The following AKAP13 variants were observed in gnomAD, a reference collection of about 807,000 sequenced individuals.
AKAP13 encodes A-kinase anchoring protein 13, also known as A-kinase anchor protein 13.
In AKAP13, 80 loss-of-function variants were observed where a neutral mutation model predicts 264.5. The ratio of observed to expected loss-of-function variants is 0.30; its 90% CI spans 0.25 to 0.36. AKAP13 has a LOEUF of 0.36. Among genes scored for constraint, AKAP13 ranks in the 10% least tolerant of loss-of-function variants. AKAP13 has a pLI of 1.00. For missense variants in AKAP13, 3,712 were observed against 3,435.2 expected (o/e 1.08, Z -2.01); for synonymous variants, 1,380 against 1,250.2 (o/e 1.10, Z -2.19).
chr15:85,711,729 C>A (rs1297823142), intron 19 of AKAP13, among the ~76,000 whole-genome samples: 1 of 152,174 alleles, frequency 6.6e-6, no homozygotes, highest in Non-Finnish European at 1.5e-5. Context: ...AGGCAGTGTT[C>A]TTGAAAATGT....
chr15:85,504,631 G>A (rs2076149972), intron 2 of AKAP13, among the ~76,000 whole-genome samples: 1 of 147,278 alleles, frequency 6.8e-6, no homozygotes, highest in African/African-American at 2.5e-5. Context: ...GATCGAAGCT[G>A]CAGTGAGCCA....
At chr15:85,591,115 G>A (rs1210042228) in intron 8 of AKAP13, among the ~76,000 whole-genome samples, 1 of 152,172 alleles carries the variant, frequency 6.6e-6, no homozygotes, top group African/African-American at 2.4e-5. Flanking sequence ...CTGAAGTCCA[G>A]CACCTTTGCT....
At chr15:85,552,852 C>T (rs1446721458) in intron 5 of AKAP13, among the ~76,000 whole-genome samples, 2 of 151,856 alleles carry the variant, frequency 1.3e-5, no homozygotes, top group South Asian at 2.1e-4. Flanking sequence ...AGTTTTTATA[C>T]ATGATTTTGG....
chr15:85,546,225 A>G (rs917036151), intron 5 of AKAP13, among the ~76,000 whole-genome samples: 1 of 152,100 alleles, frequency 6.6e-6, no homozygotes, highest in Admixed American at 6.6e-5. Flanking sequence ...GATGATGGAT[A>G]TGTTACTTAG....
chr15:85,634,109 C>G (rs949325096), intron 8 of AKAP13, among the ~76,000 whole-genome samples: 1 of 152,154 alleles, frequency 6.6e-6, no homozygotes, highest in Admixed American at 6.5e-5. Flanking sequence ...TGTTTTTGCT[C>G]TCTGTAATAG....
rs192909319 is a variant in AKAP13, at chr15:85,664,270, G to A, written c.4800-293G>A. On this transcript the variant is annotated intron_variant, in intron 12 of 36. Transcript: ENST00000394518. ...CATATATAAAATATCAGATAACTATGGTCTGTCCATATAGTGTGTAGAAAA... is the reference window on the plus strand; with the variant it reads ...CATATATAAAATATCAGATAACTATAGTCTGTCCATATAGTGTGTAGAAAA... Among the ~76,000 whole-genome samples, 24 of 152,200 alleles carry A rather than the reference G, an allele frequency of 1.6e-4. No individual in the cohort carries two copies. In the East Asian group the frequency reaches 4.6e-3, roughly 29 times the overall value.
chr15:85,493,386 T>C lies in AKAP13; in HGVS notation c.33+7633T>C, dbSNP rs1050240782. Among the ~76,000 whole-genome samples, 6 of 152,318 alleles carry C rather than the reference T, an allele frequency of 3.9e-5. No individual in the cohort carries two copies. The South Asian group carries it at 1.0e-3, about 26-fold the overall frequency. ...CCCAGGTTTCATTCATTAATCTGCC[T>C]AGCATAGGCCCTGAGTAGCTAGTGA... is the stretch of plus-strand genomic sequence containing the variant. On this transcript the variant is annotated intron_variant, in intron 2 of 36. Coordinates refer to ENST00000394518, the MANE Select transcript of AKAP13 (RefSeq NM_007200.5).
rs939363727 is a variant in AKAP13 at position 85,575,219 on chromosome 15, G to T, written c.751G>T (p.Asp251Tyr). The T allele has an allele frequency of 6.2e-7, 1 of 1,614,070 alleles. No homozygotes were observed. Among genetic ancestry groups the T allele is most frequent in the Non-Finnish European group, 8.5e-7 (1 of 1,179,994 alleles). The change falls in exon 6 of 37, where the codon GAC (aspartate) becomes TAC (tyrosine). Residue 251 changes from aspartate to tyrosine, a missense_variant. Transcript: ENST00000394518. Reference sequence around the variant, plus strand: ...TTCTGTGAGGCATCATCGAGAGTTGGACATCTATACATTAACCTCTGAGTC... The same window carrying T: ...TTCTGTGAGGCATCATCGAGAGTTGTACATCTATACATTAACCTCTGAGTC... ...DCSVRHHRELDIYTLTSESDS... is the reference protein window; with the variant it reads ...DCSVRHHRELYIYTLTSESDS...
chr15:85,500,506 A>G (rs4340287), intron 2 of AKAP13, among the ~76,000 whole-genome samples: 74,705 of 152,064 alleles, frequency 0.49, 19,112 homozygotes, highest in Middle Eastern at 0.61. Context: ...CACTGAATCT[A>G]TAATTCAGAA....
Position 85,718,265 on chromosome 15 carries a change from C to T in AKAP13, c.6001+106C>T. Reference sequence around the variant, plus strand: ...AAATCAGTTTTTTAGTATGTGGCTTCTTGAAAAGATTTCCTTTAAAAACTT... The same window carrying T: ...AAATCAGTTTTTTAGTATGTGGCTTTTTGAAAAGATTTCCTTTAAAAACTT... On this transcript the variant is annotated intron_variant, in intron 22 of 36. Transcript: ENST00000394518. This position sits in a 1 kb window ranked among gnomAD's most constrained non-coding sequence, Gnocchi z 4.9. The T allele has an allele frequency of 2.2e-6, 3 of 1,351,482 alleles. No homozygotes were observed. The highest frequency in any genetic ancestry group is 3.0e-6 in the Non-Finnish European group (3 of 984,848). The allele number at this position is 1,351,482 out of a possible 1,614,324, so 83.7% of individuals were successfully genotyped here.
rs769750946 is a variant in AKAP13, at chr15:85,741,238, C to T, written c.7801C>T (p.Arg2601Cys). 1.2e-5 allele frequency: 20 copies of T among 1,608,962 alleles called. No homozygotes were observed. The highest frequency in any genetic ancestry group is 9.0e-5 in the East Asian group (4 of 44,642). ...CCAGTACCTCGAGGAGAAGCGCAGGCGCGAGCGTGAGTGGGAAGCTCGTGA... is the reference window on the plus strand; with the variant it reads ...CCAGTACCTCGAGGAGAAGCGCAGGTGCGAGCGTGAGTGGGAAGCTCGTGA... The part of the protein sequence containing the change: ...QAQYLEEKRR[R>C]EREWEARERE... The change falls in exon 35 of 37, where the codon CGC becomes TGC. Residue 2601 changes from arginine to cysteine, a missense_variant. Transcript: ENST00000394518.
In AKAP13 at chr15:85,465,923, G is replaced by A. The variant is rs1357823407; in HGVS notation, c.-11-19787G>A. Among the ~76,000 whole-genome samples the A allele has an allele frequency of 6.5e-4, 97 of 148,542 alleles. 1 individual carries two copies. Among genetic ancestry groups the A allele is most frequent in the African/African-American group, 2.1e-3 (86 of 40,416 alleles). ...TCTAGTTCTAGATCCCTGAGGAATC[G>A]CCACACTGACTTCCACAATGGTTGA... On this transcript the variant is annotated intron_variant, in intron 1 of 36. Coordinates refer to ENST00000394518, the MANE Select transcript of AKAP13 (RefSeq NM_007200.5).
chr15:85,737,151 C>G (rs956598467), intron 33 of AKAP13, among the ~76,000 whole-genome samples: 2 of 152,072 alleles, frequency 1.3e-5, no homozygotes, highest in Non-Finnish European at 2.9e-5. Flanking sequence ...AACTCCTGAC[C>G]TCAGGCAATC....
intron 1 of AKAP13, among the ~76,000 whole-genome samples, chr15:85,421,610 A>C (rs1455401967): frequency 6.6e-6 from 1 of 152,148 alleles, no homozygotes; most frequent in Non-Finnish European, 1.5e-5. Context: ...CACACTCTCA[A>C]CTTTGTATCT....
Position 85,515,353 on chromosome 15 carries a change from C to T in AKAP13, c.34-6075C>T, listed in dbSNP as rs557634901. ...TGTCTCTTATCATTTCTTTCCTGAA[C>T]CATTGGAGAGTAAATTGTAGGTCTC... On this transcript the variant is annotated intron_variant, in intron 2 of 36. Transcript: ENST00000394518. Among the ~76,000 whole-genome samples the T allele has an allele frequency of 4.2e-3, 579 of 138,044 alleles. 98 individuals are homozygous for T. Among genetic ancestry groups the T allele is most frequent in the South Asian group, 7.5e-3 (34 of 4,518 alleles). 90.6% of individuals were successfully genotyped at this position (138,044 alleles called of 152,430 possible). A position where few individuals can be genotyped will look rare whatever the true frequency, so the allele number is the denominator to read the frequency against.
At position 85,631,533 on chromosome 15, in the gene AKAP13, CACACACACACACA is replaced by C. The variant is rs1351755514; in HGVS notation, c.4162-7840_4162-7828del. Among the ~76,000 whole-genome samples, 4 of 149,250 alleles carry C rather than the reference CACACACACACACA, an allele frequency of 2.7e-5. No homozygotes were observed. In the East Asian group the frequency reaches 7.8e-4, roughly 29 times the overall value. On this transcript the variant is annotated intron_variant, in intron 8 of 36. Coordinates refer to ENST00000394518, the MANE Select transcript of AKAP13 (RefSeq NM_007200.5). ...ACACACACACACACACACACACACA[CACACACACACACA>C]CACACACTAAATGCAATGTGGTGAT... is the stretch of plus-strand genomic sequence containing the variant.
intron 8 of AKAP13, among the ~76,000 whole-genome samples, chr15:85,590,502 A>C (rs1238597206): frequency 6.6e-6 from 1 of 152,214 alleles, no homozygotes; most frequent in Non-Finnish European, 1.5e-5. Flanking sequence ...TTAAAGGTCC[A>C]GTGCTGAAAA....
In AKAP13 at chr15:85,631,500, T is replaced by TCACACACA. The variant is rs1189326372; in HGVS notation, c.4162-7873_4162-7872insACACACAC. ...CACACACTTTCTCTCTCTCTCTCTC[T>TCACACACA]CTCACACACACACACACACACACAC... On this transcript the variant is annotated intron_variant, in intron 8 of 36. Coordinates refer to ENST00000394518, the MANE Select transcript of AKAP13 (RefSeq NM_007200.5). Among the ~76,000 whole-genome samples, 405 of 80,122 alleles carry TCACACACA rather than the reference T, an allele frequency of 5.1e-3. 1 individual carries two copies. The highest frequency in any genetic ancestry group is 0.016 in the African/African-American group (375 of 23,338). The allele number at this position is 80,122 out of a possible 152,430, so 52.6% of individuals were successfully genotyped here.
chr15:85,575,102 A>G (rs1218863588), intron 5 of AKAP13, 29 bp from the exon 6 acceptor site: 1 of 1,605,302 alleles, frequency 6.2e-7, no homozygotes, highest in African/African-American at 1.3e-5. Flanking sequence ...CAGAATGTAT[A>G]TATATTAACC....
Sources: gnomAD v4.1 joint callset for allele counts (sites outside exome capture counted in the v4.1 genomes callset) on GRCh38, gnomAD v4.1.1 for gene constraint, Gnocchi (gnomAD v3.1) non-coding constraint, MANE v1.5 for transcripts, NCBI Gene and HGNC (gene_info 2026-07-23, HGNC 2026-07-21) for gene names.